STK32B: variants seen among roughly 807,000 people sequenced by gnomAD.
The protein encoded by STK32B is serine/threonine-protein kinase 32B.
A neutral mutation model predicts 52.6 loss-of-function variants in STK32B; 43 were observed. The observed-to-expected ratio is 0.82, with a 90% CI of 0.64 to 1.05. The LOEUF is 1.05. Ranked by LOEUF, STK32B falls within the 50% of genes least tolerant of loss-of-function variation. The probability of loss-of-function intolerance (pLI) is 0.00; values close to 1 mark genes in which losing one functional copy is unlikely to be tolerated. For missense variants in STK32B, 621 were observed against 534.6 expected (o/e 1.16, Z -1.59); for synonymous variants, 238 against 204.3 (o/e 1.17, Z -1.41).
intron 1 of STK32B, among the ~76,000 whole-genome samples, chr4:5,073,669 G>C (rs969905040): frequency 6.6e-6 from 1 of 151,924 alleles, no homozygotes; most frequent in Non-Finnish European, 1.5e-5. Flanking sequence ...AGGCCTGCTA[G>C]GAACAAATAT....
At chr4:5,348,189 A>T (rs1733594313) in intron 4 of STK32B, among the ~76,000 whole-genome samples, 1 of 152,146 alleles carries the variant, frequency 6.6e-6, no homozygotes, top group South Asian at 2.1e-4. Flanking sequence ...GATTCCCACA[A>T]CAGATTCCTA....
At chr4:5,172,741 G>T (rs1577139237) in intron 3 of STK32B, among the ~76,000 whole-genome samples, 1 of 152,174 alleles carries the variant, frequency 6.6e-6, no homozygotes, top group Admixed American at 6.5e-5. Context: ...TTGCATCAAG[G>T]TTCATCAAGG....
intron 11 of STK32B, 37 bp from the exon 12 acceptor site, chr4:5,498,908 T>A: frequency 6.3e-7 from 1 of 1,585,572 alleles, no homozygotes; most frequent in Non-Finnish European, 8.6e-7. Flanking sequence ...CACAACCCCA[T>A]GCCGCACCAC....
chr4:5,099,447 TGTGC>T (rs1713584478), intron 1 of STK32B, among the ~76,000 whole-genome samples: 2 of 80,574 alleles, frequency 2.5e-5, no homozygotes, highest in African/African-American at 1.3e-4. Context: ...TGTGTGTGTG[TGTGC>T]GCGCGCGCGT....
the STK32B span, among the ~76,000 whole-genome samples, chr4:5,041,804 C>T: frequency 8.2e-4 from 123 of 149,702 alleles, no homozygotes; most frequent in East Asian, 0.021. Context: ...CAGCCTTTAT[C>T]TTTTTTTTTT....
At chr4:5,031,696 G>A in the STK32B span, among the ~76,000 whole-genome samples, 2 of 152,260 alleles carry the variant, frequency 1.3e-5, no homozygotes, top group East Asian at 1.9e-4. Flanking sequence ...CTTTGCACAG[G>A]GATGTAAGAA....
chr4:5,204,833 G>A lies in STK32B; in HGVS notation c.260+36383G>A, dbSNP rs368226100. On this transcript the variant is annotated intron_variant, in intron 3 of 11. Transcript: ENST00000282908. ...CTTCATCCTCCCTTATGGACCACTCGTGGGGAGGGGCTCTCAGGGCTCCTG... is the reference window on the plus strand; with the variant it reads ...CTTCATCCTCCCTTATGGACCACTCATGGGGAGGGGCTCTCAGGGCTCCTG... Among the ~76,000 whole-genome samples the A allele has an allele frequency of 5.3e-5, 8 of 152,238 alleles. No individual in the cohort carries two copies. The East Asian group carries it at 1.2e-3, about 22-fold the overall frequency.
chr4:5,187,581 G>C (rs184189508), intron 3 of STK32B, among the ~76,000 whole-genome samples: 2 of 150,406 alleles, frequency 1.3e-5, no homozygotes, highest in East Asian at 3.9e-4. Flanking sequence ...CAGCTCTCCA[G>C]GATGGGGTGT....
intron 11 of STK32B, among the ~76,000 whole-genome samples, chr4:5,489,419 CTTAA>C (rs1197801323): frequency 1.3e-5 from 2 of 152,162 alleles, no homozygotes; most frequent in African/African-American, 2.4e-5. Context: ...ATTAGCAATA[CTTAA>C]TTAATTCTAT....
chr4:5,168,075 G>T (rs1719027106), intron 2 of STK32B, among the ~76,000 whole-genome samples: 1 of 152,086 alleles, frequency 6.6e-6, no homozygotes, highest in Admixed American at 6.5e-5. Flanking sequence ...TTAGTACATG[G>T]CCAGTGCTCA....
chr4:5,311,657 T>A (rs1315647298), intron 3 of STK32B, among the ~76,000 whole-genome samples: 5 of 152,068 alleles, frequency 3.3e-5, no homozygotes, highest in Non-Finnish European at 7.4e-5. Context: ...GTGAACACAT[T>A]TTTACTCATA....
At chr4:5,171,301 C>G (rs1349246320) in intron 3 of STK32B, among the ~76,000 whole-genome samples, 5 of 151,980 alleles carry the variant, frequency 3.3e-5, no homozygotes, top group African/African-American at 1.2e-4. Context: ...TGCAGAAGCT[C>G]TTTAGTTTAA....
chr4:5,419,788 A>T (rs1712471320), intron 6 of STK32B, among the ~76,000 whole-genome samples: 1 of 152,162 alleles, frequency 6.6e-6, no homozygotes, highest in South Asian at 2.1e-4. Flanking sequence ...GCTCTGTTTT[A>T]TATGCAGATT....
rs1256382521 is a variant in STK32B at position 5,178,209 on chromosome 4, C to T, written c.260+9759C>T. On this transcript the variant is annotated intron_variant, in intron 3 of 11. Transcript: ENST00000282908. ...AGGCAGAGGTTCACAAACCTCAGTT[C>T]TTGATTTCTATGCATCCATATGCCC... 5.3e-5 allele frequency among the ~76,000 whole-genome samples: 8 copies of T among 152,338 alleles called. No individual in the cohort carries two copies. The East Asian group carries it at 1.4e-3, about 26-fold the overall frequency.
At chr4:5,315,181 C>G (rs558598722) in intron 3 of STK32B, among the ~76,000 whole-genome samples, 1 of 152,022 alleles carries the variant, frequency 6.6e-6, no homozygotes, top group East Asian at 1.9e-4. Context: ...CAGACATTTC[C>G]CAGAAGAGGA....
At chr4:5,186,942 A>T (rs1454705749) in intron 3 of STK32B, among the ~76,000 whole-genome samples, 1 of 152,202 alleles carries the variant, frequency 6.6e-6, no homozygotes, top group Admixed American at 6.5e-5. Context: ...AGTGTGGGTC[A>T]CAGGATGCAC....
At chr4:5,109,010 G>T (rs1162430913) in intron 1 of STK32B, among the ~76,000 whole-genome samples, 1 of 152,216 alleles carries the variant, frequency 6.6e-6, no homozygotes, top group African/African-American at 2.4e-5. Flanking sequence ...ACCTGCCAAA[G>T]CCCACTGCTA....
intron 3 of STK32B, among the ~76,000 whole-genome samples, chr4:5,224,497 C>T (rs1156978338): frequency 1.3e-5 from 2 of 152,214 alleles, no homozygotes; most frequent in Admixed American, 1.3e-4. Context: ...TGAGAAGTGA[C>T]TCACTGTCCC....
chr4:5,307,497 T>C (rs1198532836), intron 3 of STK32B, among the ~76,000 whole-genome samples: 1 of 152,136 alleles, frequency 6.6e-6, no homozygotes, highest in African/African-American at 2.4e-5. Flanking sequence ...GGTGATTGTT[T>C]TTTATTTATG....
Sources: gnomAD v4.1 joint callset for allele counts (sites outside exome capture counted in the v4.1 genomes callset) on GRCh38, gnomAD v4.1.1 for gene constraint, MANE v1.5 for transcripts, NCBI Gene and HGNC (gene_info 2026-07-23, HGNC 2026-07-21) for gene names.